Variants in ITGA9 observed in about 807,000 individuals in gnomAD.
The protein encoded by ITGA9 is integrin subunit alpha 9, also known as integrin alpha-9.
Under a neutral mutation model 127.8 loss-of-function variants are expected in ITGA9, and 56 were observed. The observed-to-expected ratio is 0.44, with a 90% CI of 0.35 to 0.55. The LOEUF is 0.55. Ranked by LOEUF, ITGA9 falls within the 20% of genes least tolerant of loss-of-function variation. The pLI is 0.00. For synonymous variants in ITGA9, 508 were observed against 514.5 expected, an observed-to-expected ratio of 0.99 and a Z score of 0.17; for missense variants, 1,196 against 1,347.1, an observed-to-expected ratio of 0.89 and a Z score of 1.76.
At chr3:37,518,226 A>G (rs1019602348) in intron 10 of ITGA9, among the ~76,000 whole-genome samples, 1 of 151,720 alleles carries the variant, frequency 6.6e-6, no homozygotes, top group African/African-American at 2.4e-5. Context: ...GAGCCTCTTC[A>G]CCTCGCTGCA....
rs567962477 is a variant in ITGA9, at chr3:37,778,838, G to T, written c.2668-1064G>T. On this transcript the variant is annotated intron_variant, in intron 24 of 27. Transcript: ENST00000264741. ...CCTTTCTCATTCTTTTCTCCTGTTGGAGAAGGGTGACTGTTTGCCACTTGA... is the reference window on the plus strand; with the variant it reads ...CCTTTCTCATTCTTTTCTCCTGTTGTAGAAGGGTGACTGTTTGCCACTTGA... 2.0e-5 allele frequency among the ~76,000 whole-genome samples: 3 copies of T among 148,722 alleles called. No homozygotes were observed. In the South Asian group the frequency reaches 6.4e-4, roughly 32 times the overall value.
intron 18 of ITGA9, among the ~76,000 whole-genome samples, chr3:37,702,898 A>T (rs1700963180): frequency 6.6e-6 from 1 of 152,026 alleles, no homozygotes. Flanking sequence ...ACCACCTAGA[A>T]ACCAGAGACC....
intron 16 of ITGA9, among the ~76,000 whole-genome samples, chr3:37,648,359 C>A (rs769509620): frequency 6.6e-6 from 1 of 152,168 alleles, no homozygotes; most frequent in African/African-American, 2.4e-5. Flanking sequence ...AACAGTGCCT[C>A]ATACCTGTAA....
intron 18 of ITGA9, among the ~76,000 whole-genome samples, chr3:37,699,954 A>G (rs1291471447): frequency 1.3e-5 from 2 of 152,108 alleles, no homozygotes; most frequent in Non-Finnish European, 2.9e-5. Flanking sequence ...GCTTTTCTCT[A>G]TAGAACCTAT....
At chr3:37,654,008 T>C (rs1700453183) in intron 17 of ITGA9, among the ~76,000 whole-genome samples, 1 of 152,184 alleles carries the variant, frequency 6.6e-6, no homozygotes, top group African/African-American at 2.4e-5. Flanking sequence ...TTGATTGCAA[T>C]TCCACATATC....
intron 16 of ITGA9, among the ~76,000 whole-genome samples, chr3:37,648,542 G>A (rs990418438): frequency 1.3e-5 from 2 of 152,014 alleles, no homozygotes; most frequent in Non-Finnish European, 2.9e-5. Context: ...TAGGAGGATC[G>A]CTTGAGCCCA....
chr3:37,711,956 C>T (rs969758927), intron 18 of ITGA9, among the ~76,000 whole-genome samples: 34 of 152,224 alleles, frequency 2.2e-4, no homozygotes, highest in African/African-American at 8.0e-4. Context: ...CAGATGAGCC[C>T]AAGTCACCTG....
At chr3:37,560,528 C>T (rs1282412387) in intron 15 of ITGA9, among the ~76,000 whole-genome samples, 8 of 152,224 alleles carry the variant, frequency 5.3e-5, no homozygotes, top group Non-Finnish European at 7.3e-5. Context: ...AATTGCCACA[C>T]TGTCTTCCAC....
intron 14 of ITGA9, among the ~76,000 whole-genome samples, chr3:37,533,887 A>G (rs1699182941): frequency 2.0e-5 from 3 of 152,284 alleles, no homozygotes; most frequent in Admixed American, 2.0e-4. Flanking sequence ...GGGGACTTAT[A>G]CCATTTACTA....
intron 2 of ITGA9, among the ~76,000 whole-genome samples, chr3:37,472,363 T>C (rs1286748289): frequency 6.6e-6 from 1 of 152,220 alleles, no homozygotes; most frequent in East Asian, 1.9e-4. Context: ...CAAAGTCTTT[T>C]TGCATAAAGA....
chr3:37,744,095 C>T, intron 22 of ITGA9, 61 bp downstream of exon 22: 1 of 1,111,152 alleles, frequency 9.0e-7, no homozygotes, highest in African/African-American at 1.5e-5. Flanking sequence ...CATGGGATGT[C>T]TCTCCTACAG....
intron 16 of ITGA9, among the ~76,000 whole-genome samples, chr3:37,640,015 T>C (rs529996154): frequency 6.6e-6 from 1 of 152,158 alleles, no homozygotes; most frequent in South Asian, 2.1e-4. Flanking sequence ...AAATTATAAC[T>C]CTTCTCAGGC....
At chr3:37,804,811 A>C (rs1697276579) in intron 27 of ITGA9, among the ~76,000 whole-genome samples, 2 of 152,196 alleles carry the variant, frequency 1.3e-5, no homozygotes, top group Non-Finnish European at 1.5e-5. Context: ...ATTACAAAAT[A>C]ATATGTATGT....
At chr3:37,773,120 A>C (rs1401462605) in intron 23 of ITGA9, among the ~76,000 whole-genome samples, 2 of 152,194 alleles carry the variant, frequency 1.3e-5, no homozygotes, top group Non-Finnish European at 2.9e-5. Context: ...CATTAGCAAC[A>C]CTGGCTGGGC....
chr3:37,621,620 G>T lies in ITGA9; in HGVS notation c.1690-7567G>T, dbSNP rs1700129686. 2.0e-5 allele frequency among the ~76,000 whole-genome samples: 3 copies of T among 152,110 alleles called. No homozygotes were observed. In the East Asian group the frequency reaches 5.8e-4, roughly 29 times the overall value. On this transcript the variant is annotated intron_variant, in intron 15 of 27. Transcript: ENST00000264741. ...AAATCAAACCATTCCCAAATATCCA[G>T]CTACATATTGTTTTACCTTTGAAGA...
chr3:37,545,663 C>G (rs548994620), intron 15 of ITGA9, among the ~76,000 whole-genome samples: 1 of 152,218 alleles, frequency 6.6e-6, no homozygotes, highest in East Asian at 1.9e-4. Flanking sequence ...TCACACACCC[C>G]GGCTTATCTT....
chr3:37,700,457 G>A (rs1700934476), intron 18 of ITGA9, among the ~76,000 whole-genome samples: 1 of 152,080 alleles, frequency 6.6e-6, no homozygotes, highest in South Asian at 2.1e-4. Flanking sequence ...AGGCTCAAGC[G>A]ATCCTCCCAG....
chr3:37,456,291 T>C (rs150939821), intron 1 of ITGA9, among the ~76,000 whole-genome samples: 1 of 152,246 alleles, frequency 6.6e-6, no homozygotes, highest in East Asian at 1.9e-4. Context: ...ACCCAGAGTG[T>C]CTGCCTGCCC....
rs376627037 is a variant in ITGA9 at position 37,569,295 on chromosome 3, TC to T, written c.1689+26714del. ...ATGAAGACAGCACAGGAAATACCTG[TC>T]CCCATGATTCAGTTACCTCCCACTG... On this transcript the variant is annotated intron_variant, in intron 15 of 27. Coordinates refer to ENST00000264741, the MANE Select transcript of ITGA9 (RefSeq NM_002207.3). 3.2e-4 allele frequency among the ~76,000 whole-genome samples: 48 copies of T among 152,290 alleles called. No individual in the cohort carries two copies. In the East Asian group the frequency reaches 8.9e-3, roughly 28 times the overall value.
Sources: gnomAD v4.1 joint callset for allele counts (sites outside exome capture counted in the v4.1 genomes callset) on GRCh38, gnomAD v4.1.1 for gene constraint, MANE v1.5 for transcripts, NCBI Gene and HGNC (gene_info 2026-07-23, HGNC 2026-07-21) for gene names.